DSTN: variants seen among roughly 807,000 people sequenced by gnomAD.
DSTN encodes destrin.
DSTN carries 10 observed loss-of-function variants against 16.8 expected under a neutral mutation model. The observed-to-expected ratio is 0.60, with a 90% CI of 0.37 to 1.01. The LOEUF (loss-of-function observed/expected upper bound fraction) is 1.01. DSTN is among the 50% of genes least tolerant of loss of function. The pLI, the probability that DSTN is intolerant of heterozygous loss-of-function variation, is 0.01. For synonymous variants in DSTN, 57 were observed against 58.9 expected, an observed-to-expected ratio of 0.97 and a Z score of 0.14; for missense variants, 141 against 196.7, an observed-to-expected ratio of 0.72 and a Z score of 1.69.
intron 1 of DSTN, among the ~76,000 whole-genome samples, chr20:17,582,728 G>A (rs2035360203): frequency 6.6e-6 from 1 of 152,300 alleles, no homozygotes; most frequent in South Asian, 2.1e-4. Context: ...ATCTAAATGT[G>A]AGCACTAAAG....
intron 1 of DSTN, among the ~76,000 whole-genome samples, chr20:17,575,658 A>G (rs945473208): frequency 6.6e-6 from 1 of 152,102 alleles, no homozygotes; most frequent in Non-Finnish European, 1.5e-5. Flanking sequence ...AGCTTTACAT[A>G]TATAAAGATG....
At chr20:17,604,446 G>A in intron 2 of DSTN, 109 bp from the exon 3 acceptor site, 1 of 1,133,756 alleles carries the variant, frequency 8.8e-7, no homozygotes, top group East Asian at 2.4e-5. Flanking sequence ...AAATATCTCA[G>A]GAGAGTCTGA....
chr20:17,606,307 G>A lies in DSTN; in HGVS notation c.389-730G>A, dbSNP rs537894668. Among the ~76,000 whole-genome samples the A allele has an allele frequency of 2.0e-5, 3 of 152,298 alleles. No individual in the cohort carries two copies. In the East Asian group the frequency reaches 5.8e-4, roughly 29 times the overall value. On this transcript the variant is annotated intron_variant, in intron 3 of 3. Transcript: ENST00000246069. ...GCCATTTACAGAGAAGCTACTGTATGTAATCCATAATTGAGCTCGTTTTTG... is the reference window on the plus strand; with the variant it reads ...GCCATTTACAGAGAAGCTACTGTATATAATCCATAATTGAGCTCGTTTTTG...
intron 1 of DSTN, among the ~76,000 whole-genome samples, chr20:17,575,375 C>A (rs6075222): frequency 0.47 from 71,914 of 152,032 alleles, 21,115 homozygotes; most frequent in Non-Finnish European, 0.64. Context: ...ACTCTAGTCT[C>A]TGAGTAACTA....
At chr20:17,572,869 A>AT (rs1201644193) in intron 1 of DSTN, among the ~76,000 whole-genome samples, 5 of 152,190 alleles carry the variant, frequency 3.3e-5, no homozygotes, top group African/African-American at 1.2e-4. Context: ...TTATTGCCAT[A>AT]TTTCAGGTTT....
intron 1 of DSTN, chr20:17,599,331 G>C (rs2035561328): frequency 6.6e-6 from 1 of 152,298 alleles, no homozygotes; most frequent in Non-Finnish European, 1.5e-5. Flanking sequence ...CATCATGGCT[G>C]AACATTCCAG....
At chr20:17,582,637 AT>A (rs1334664464) in intron 1 of DSTN, among the ~76,000 whole-genome samples, 6 of 152,332 alleles carry the variant, frequency 3.9e-5, no homozygotes, top group African/African-American at 1.4e-4. Context: ...TGCTGGCACA[AT>A]TGGATATCCG....
chr20:17,599,915 G>A (rs1295395134), intron 1 of DSTN: 1 of 152,140 alleles, frequency 6.6e-6, no homozygotes, highest in Non-Finnish European at 1.5e-5. Context: ...AAGCTAACAT[G>A]CAAAACAAAG....
At position 17,609,031 on chromosome 20, in the gene DSTN, G is replaced by A. The variant is rs990271090; in HGVS notation, c.*1885G>A. ...AGGTGTGTAGTAGGCTATGCCACTA[G>A]GTTTAAGTGCAGTCTAGGGTGGGGA... On this transcript the variant is annotated 3_prime_UTR_variant, in exon 4 of 4. Transcript: ENST00000246069. 6.6e-6 allele frequency: 1 copy of A among 152,196 alleles called. No homozygotes were observed. Among genetic ancestry groups the A allele is most frequent in the Non-Finnish European group, 1.5e-5 (1 of 68,032 alleles). The allele number at this position is 152,196 out of a possible 1,614,324, so 9.4% of individuals were successfully genotyped here.
chr20:17,574,321 A>G (rs189422453), intron 1 of DSTN, among the ~76,000 whole-genome samples: 4 of 152,168 alleles, frequency 2.6e-5, no homozygotes, highest in Admixed American at 6.5e-5. Flanking sequence ...GAAGTTCAAT[A>G]CTCTCTGTTA....
intron 2 of DSTN, among the ~76,000 whole-genome samples, chr20:17,602,947 G>A (rs1357491338): frequency 6.6e-6 from 1 of 152,212 alleles, no homozygotes. Context: ...TTGAATCTGG[G>A]AGGCAGAGGT....
At chr20:17,578,439 C>T (rs868208977) in intron 1 of DSTN, among the ~76,000 whole-genome samples, 4 of 152,102 alleles carry the variant, frequency 2.6e-5, no homozygotes, top group Non-Finnish European at 4.4e-5. Context: ...TTGAATAGTA[C>T]CTCCCCTTTG....
At chr20:17,590,057 A>T (rs1267099440) in intron 1 of DSTN, among the ~76,000 whole-genome samples, 2 of 152,214 alleles carry the variant, frequency 1.3e-5, no homozygotes, top group African/African-American at 4.8e-5. Flanking sequence ...ATTTTGGTTT[A>T]GGAGGGACTG....
chr20:17,570,275 C>T, intron 1 of DSTN, 64 bp downstream of exon 1: 6 of 1,436,562 alleles, frequency 4.2e-6, no homozygotes, highest in Non-Finnish European at 4.6e-6. Flanking sequence ...TCTGGGGCGC[C>T]GCGGAGTCGG....
chr20:17,597,962 C>G (rs1033814586), intron 1 of DSTN, among the ~76,000 whole-genome samples: 6 of 151,926 alleles, frequency 3.9e-5, no homozygotes, highest in Admixed American at 3.3e-4. Flanking sequence ...CCTTTTCTGT[C>G]TGGCTTCTTT....
intron 2 of DSTN, among the ~76,000 whole-genome samples, chr20:17,603,487 G>A (rs755272186): frequency 6.6e-6 from 1 of 152,180 alleles, no homozygotes; most frequent in African/African-American, 2.4e-5. Flanking sequence ...ACAATGTTAA[G>A]TGTGGACTTA....
chr20:17,574,794 CTTTCT>C (rs2035252038), intron 1 of DSTN, among the ~76,000 whole-genome samples: 1 of 142,254 alleles, frequency 7.0e-6, no homozygotes, highest in Non-Finnish European at 1.5e-5. Flanking sequence ...ACATGACTGA[CTTTCT>C]TTTCTTTCTC....
chr20:17,599,825 C>G (rs2035567523), intron 1 of DSTN: 1 of 152,264 alleles, frequency 6.6e-6, no homozygotes, highest in Admixed American at 6.5e-5. Context: ...TTAGTCTGAT[C>G]ATCCTCCAGT....
intron 1 of DSTN, among the ~76,000 whole-genome samples, chr20:17,584,042 G>C (rs919243907): frequency 6.6e-6 from 1 of 151,990 alleles, no homozygotes; most frequent in Admixed American, 6.6e-5. Context: ...CCCAGCCCAG[G>C]GTTTCTTTTT....
Sources: gnomAD v4.1 joint callset for allele counts (sites outside exome capture counted in the v4.1 genomes callset) on GRCh38, gnomAD v4.1.1 for gene constraint, MANE v1.5 for transcripts, NCBI Gene and HGNC (gene_info 2026-07-23, HGNC 2026-07-21) for gene names.